The following FANCA variants were observed in gnomAD, a reference collection of about 807,000 sequenced individuals.
The protein encoded by FANCA is FA complementation group A.
FANCA carries 236 observed loss-of-function variants against 194.3 expected under a neutral mutation model. The ratio of observed to expected loss-of-function variants is 1.21; its 90% CI spans 1.09 to 1.35. The LOEUF is 1.35. Ranked by LOEUF, FANCA falls within the 40% of genes most tolerant of loss-of-function variation. The pLI is 0.00. For missense variants in FANCA, 2,628 were observed against 1,813.9 expected (o/e 1.45, Z -8.15); for synonymous variants, 1,014 against 715.8 (o/e 1.42, Z -6.65).
In FANCA at chr16:89,762,011, T is replaced by A. The variant is rs1310507024; in HGVS notation, c.2790A>T (p.Gln930His). The A allele has an allele frequency of 6.2e-7, 1 of 1,613,720 alleles. No homozygotes were observed. The highest frequency in any genetic ancestry group is 1.3e-5 in the African/African-American group (1 of 75,026). Residue 930 changes from glutamine to histidine, a missense_variant, in exon 29 of 43, where the codon CAA (glutamine) becomes CAT (histidine). Transcript: ENST00000389301. ...LKEEDVHLTY[Q>H]DWLHLELEIQ... ...TTTCCAGCTCCAGGTGTAACCAGTC[T>A]TGGTAAGTTAACTGAGAAAGAGAGC...
Position 89,771,758 on chromosome 16 carries a change from T to C in FANCA, c.2071A>G (p.Asn691Asp), listed in dbSNP as rs1366416912. 6.2e-7 allele frequency: 1 copy of C among 1,614,110 alleles called. No individual in the cohort carries two copies. The highest frequency in any genetic ancestry group is 1.3e-5 in the African/African-American group (1 of 75,036). The stretch of plus-strand genomic sequence containing the variant: ...ATCTCAACGCTGCTGTCATCCTCAT[T>C]GTGGCCCAGGACAGCCCTCAGTCTT... ...SERLRAVLGH[N>D]EDDSSVEISK... The change falls in exon 23 of 43, where the codon AAT becomes GAT. Residue 691 changes from asparagine (N) to aspartate (D), a missense_variant. Transcript: ENST00000389301.
chr16:89,768,074 C>T (rs995398583), intron 26 of FANCA, among the ~76,000 whole-genome samples: 1 of 152,196 alleles, frequency 6.6e-6, no homozygotes, highest in Non-Finnish European at 1.5e-5. Context: ...CAGGGGATCA[C>T]TTAAACCCAG....
At position 89,799,212 on chromosome 16, in the gene FANCA, C is replaced by G; in HGVS notation, c.847G>C (p.Ala283Pro). 1 of 1,614,150 alleles carries G rather than the reference C, an allele frequency of 6.2e-7. No homozygotes were observed. The highest frequency in any genetic ancestry group is 8.5e-7 in the Non-Finnish European group (1 of 1,180,050). ...MLIFALDALAAGVQEESSTHK... is the reference protein window; with the variant it reads ...MLIFALDALAPGVQEESSTHK... ...GTGGAGGACTCCTCCTGTACTCCAG[C>G]AGCCAAAGCGTCAAGTGCAACTGAA... The change falls in exon 10 of 43, where the codon GCT becomes CCT. Residue 283 changes from alanine to proline, a missense_variant. Coordinates refer to ENST00000389301, the MANE Select transcript of FANCA (RefSeq NM_000135.4).
intron 27 of FANCA, among the ~76,000 whole-genome samples, 186 bp from the exon 28 acceptor site, chr16:89,765,252 C>T (rs895139392): frequency 6.6e-5 from 10 of 151,896 alleles, no homozygotes; most frequent in Non-Finnish European, 1.2e-4. Flanking sequence ...TCAGTCCAGC[C>T]CCTGGGAGGG....
intron 30 of FANCA, among the ~76,000 whole-genome samples, chr16:89,756,728 G>A (rs2038779116): frequency 6.6e-6 from 1 of 152,218 alleles, no homozygotes; most frequent in Non-Finnish European, 1.5e-5. Flanking sequence ...GAGCAGCTCT[G>A]TGCAAACCTA....
At chr16:89,752,544 C>T (rs1350350157) in intron 30 of FANCA, among the ~76,000 whole-genome samples, 3 of 152,172 alleles carry the variant, frequency 2.0e-5, no homozygotes. Flanking sequence ...AATAGTTATA[C>T]CAGATATAGA....
At chr16:89,773,624 A>G (rs2039399046) in intron 21 of FANCA, among the ~76,000 whole-genome samples, 1 of 152,138 alleles carries the variant, frequency 6.6e-6, no homozygotes, top group Non-Finnish European at 1.5e-5. Flanking sequence ...AAACAAGTTT[A>G]AGAAAAAAAG....
At chr16:89,759,318 TAAAAAAAAAAAAAAAAA>T (rs71137673) in intron 29 of FANCA, among the ~76,000 whole-genome samples, 2 of 75,180 alleles carry the variant, frequency 2.7e-5, no homozygotes, top group Admixed American at 1.6e-4. Context: ...AGACTCCGTC[TAAAAAAAAAAAAAAAAA>T]AAAAAAAAAA....
At chr16:89,739,672 G>A (rs1205719925) in intron 39 of FANCA, 119 bp from the exon 40 acceptor site, 2 of 1,511,368 alleles carry the variant, frequency 1.3e-6, no homozygotes, top group African/African-American at 1.4e-5. Flanking sequence ...GGATAGTGTG[G>A]GGCGAACAGC....
rs2062053592 is a variant in FANCA at position 89,739,135 on chromosome 16, G to A, written c.4165C>T (p.Gln1389Ter). 1 of 1,613,994 alleles carries A rather than the reference G, an allele frequency of 6.2e-7. No homozygotes were observed. The highest frequency in any genetic ancestry group is 1.1e-5 in the South Asian group (1 of 91,070). ...PAGRSLELKG[Q>*]GNPVELITKA... is the part of the protein sequence containing the mutation. ...GTGGGACTGGCCCTTGCACCTGCCT[G>A]ACCCTTGAGCTCCAGGCTCCTGCCA... The change falls in exon 41 of 43, where the codon CAG (glutamine) becomes TAG (stop). Residue 1389 changes from glutamine to a stop codon, truncating the protein, a stop_gained and splice_region_variant. Transcript: ENST00000389301. LOFTEE classifies it high-confidence loss of function.
chr16:89,789,645 C>T (rs1352507178), intron 14 of FANCA, among the ~76,000 whole-genome samples: 1 of 151,958 alleles, frequency 6.6e-6, no homozygotes, highest in Admixed American at 6.6e-5. Context: ...CACTGTGCTG[C>T]CCAGGCTGAT....
rs1448821627 is a variant in FANCA at position 89,775,727 on chromosome 16, G to A, written c.1900+15C>T. 2.7e-5 allele frequency: 44 copies of A among 1,604,718 alleles called. No homozygotes were observed. In the Admixed American group the frequency reaches 6.1e-4, roughly 22 times the overall value. ...AGCACAAGTCCCAGAGTGGACAAGC[G>A]GCCCAGGAACTTACCTTCTGGCTTC... On this transcript the variant is annotated intron_variant, in intron 21 of 42. Transcript: ENST00000389301.
intron 26 of FANCA, among the ~76,000 whole-genome samples, chr16:89,769,288 C>G (rs1315013087): frequency 6.6e-6 from 1 of 152,214 alleles, no homozygotes; most frequent in Non-Finnish European, 1.5e-5. Flanking sequence ...GCTTCCGCCT[C>G]TGAGTGGCAG....
intron 3 of FANCA, among the ~76,000 whole-genome samples, chr16:89,811,323 A>C (rs2040871205): frequency 6.6e-6 from 1 of 152,256 alleles, no homozygotes; most frequent in Admixed American, 6.5e-5. Flanking sequence ...GTTTCCCATG[A>C]CACAAAAGGA....
chr16:89,770,009 C>G lies in FANCA; in HGVS notation c.2332G>C (p.Ala778Pro), dbSNP rs1242381795. ...LLRHQGPSLS[A>P]PHVLGLAALA... ...GCAGCCAACCCCAGCACATGTGGGG[C>G]ACTCAGGCTCGGGCCCTGCAACGAG... The change falls in exon 26 of 43, where the codon GCC (alanine) becomes CCC (proline). Residue 778 changes from alanine to proline, a missense_variant. Physicochemically the swap from Ala to Pro is conservative, Grantham distance 27 (BLOSUM62 -1). Coordinates refer to ENST00000389301, the MANE Select transcript of FANCA (RefSeq NM_000135.4). 1.9e-6 allele frequency: 3 copies of G among 1,613,686 alleles called. No individual in the cohort carries two copies. The highest frequency in any genetic ancestry group is 2.5e-6 in the Non-Finnish European group (3 of 1,179,972).
In FANCA at chr16:89,795,920, CT is replaced by C. The variant is rs746236214; in HGVS notation, c.991del (p.Ser331AlafsTer4). On this transcript the variant is annotated frameshift_variant, in exon 11 of 43. Coordinates refer to ENST00000389301, the MANE Select transcript of FANCA (RefSeq NM_000135.4). LOFTEE classifies it high-confidence loss of function. ...SHTLTQILTHSPVLKASDAVQ... is the reference protein window; with the variant it reads ...SHTLTQILTHXPVLKASDAVQ... ...ACTGGGCCTACCTTTCAGCACAGGGCTGTGAGTGAGTATCTGAGTCAGGGTA... is the reference window on the plus strand; with the variant it reads ...ACTGGGCCTACCTTTCAGCACAGGGCGTGAGTGAGTATCTGAGTCAGGGTA... 3 of 1,613,520 alleles carry C rather than the reference CT, an allele frequency of 1.9e-6. No individual in the cohort carries two copies. In the Admixed American group the frequency reaches 5.0e-5, roughly 27 times the overall value.
chr16:89,800,597 G>A (rs1296846572), intron 8 of FANCA, among the ~76,000 whole-genome samples: 3 of 152,128 alleles, frequency 2.0e-5, no homozygotes, highest in Admixed American at 1.3e-4. Flanking sequence ...GATAAGCAAA[G>A]CAATCCTGAG....
intron 10 of FANCA, among the ~76,000 whole-genome samples, chr16:89,796,556 T>C (rs1035369403): frequency 1.3e-5 from 2 of 152,140 alleles, no homozygotes; most frequent in African/African-American, 4.8e-5. Flanking sequence ...GAGAACACGA[T>C]GTTCTGGGGG....
chr16:89,756,961 G>A (rs1034702788), intron 30 of FANCA, among the ~76,000 whole-genome samples: 2 of 152,148 alleles, frequency 1.3e-5, no homozygotes, highest in Non-Finnish European at 2.9e-5. Context: ...GAATCTAACC[G>A]CTGGATTTAT....
Sources: gnomAD v4.1 joint callset for allele counts (sites outside exome capture counted in the v4.1 genomes callset) on GRCh38, gnomAD v4.1.1 for gene constraint, MANE v1.5 for transcripts, NCBI Gene and HGNC (gene_info 2026-07-23, HGNC 2026-07-21) for gene names.